PDE1C: variants seen among roughly 807,000 people sequenced by gnomAD.
The protein encoded by PDE1C is phosphodiesterase 1C, also known as dual specificity calcium/calmodulin-dependent 3',5'-cyclic nucleotide phosphodiesterase 1C.
Under a neutral mutation model 93.1 loss-of-function variants are expected in PDE1C, and 62 were observed. That is an observed-to-expected ratio of 0.67 (90% CI 0.54 to 0.82). The LOEUF is 0.82. Among genes scored for constraint, PDE1C ranks in the 40% least tolerant of loss-of-function variants. The pLI is 0.00. For missense variants in PDE1C, 742 were observed against 884.6 expected (o/e 0.84, Z 2.04); for synonymous variants, 325 against 310.1 (o/e 1.05, Z -0.50).
chr7:31,720,169 CAAAAAAAAAAAAAAAAA>C, the PDE1C span, among the ~76,000 whole-genome samples: 7 of 50,128 alleles, frequency 1.4e-4, no homozygotes, highest in Non-Finnish European at 2.2e-4. Flanking sequence ...GACTCCGTCT[CAAAAAAAAAAAAAAAAA>C]AAAAAAAAAA....
chr7:32,052,819 C>A (rs7801338), intron 1 of PDE1C, among the ~76,000 whole-genome samples: 1 of 152,092 alleles, frequency 6.6e-6, no homozygotes, highest in Non-Finnish European at 1.5e-5. Flanking sequence ...GTAGTGATAT[C>A]TATTTACCTG....
intron 2 of PDE1C, among the ~76,000 whole-genome samples, chr7:31,946,911 CT>C (rs1344174757): frequency 6.6e-6 from 1 of 152,204 alleles, no homozygotes; most frequent in African/African-American, 2.4e-5. Flanking sequence ...GCAGAACACA[CT>C]GTATCAGGCA....
chr7:32,081,539 C>A (rs1796661841), intron 3 of PDE1C, among the ~76,000 whole-genome samples: 1 of 152,190 alleles, frequency 6.6e-6, no homozygotes, highest in East Asian at 1.9e-4. Context: ...TACTCCTATT[C>A]TACACAGAAT....
At chr7:32,306,754 G>C (rs1419513355) in intron 1 of PDE1C, among the ~76,000 whole-genome samples, 1 of 152,216 alleles carries the variant, frequency 6.6e-6, no homozygotes, top group East Asian at 1.9e-4. Flanking sequence ...GGGGAAACTG[G>C]GGAACATAGG....
intron 3 of PDE1C, among the ~76,000 whole-genome samples, chr7:32,131,150 T>G (rs1473929466): frequency 6.6e-6 from 1 of 152,160 alleles, no homozygotes; most frequent in Non-Finnish European, 1.5e-5. Context: ...TCAGGAGTTT[T>G]AAATTCAAGC....
intron 17 of PDE1C, among the ~76,000 whole-genome samples, chr7:31,764,066 C>T (rs1173501641): frequency 6.6e-6 from 1 of 151,412 alleles, no homozygotes; most frequent in Non-Finnish European, 1.5e-5. Flanking sequence ...AAACTATGTG[C>T]CATTTTAAGC....
intron 2 of PDE1C, among the ~76,000 whole-genome samples, chr7:31,972,491 C>T (rs1303341028): frequency 6.6e-6 from 1 of 152,096 alleles, no homozygotes; most frequent in African/African-American, 2.4e-5. Context: ...TGAGGTAATT[C>T]TTATTGTCAT....
At chr7:32,035,893 T>A (rs1438104430) in intron 2 of PDE1C, among the ~76,000 whole-genome samples, 1 of 152,178 alleles carries the variant, frequency 6.6e-6, no homozygotes, top group Non-Finnish European at 1.5e-5. Context: ...AGCTTTAACG[T>A]GCCTGGTCAA....
intron 7 of PDE1C, chr7:31,851,018 C>T (rs1211449889): frequency 5.7e-6 from 2 of 351,428 alleles, no homozygotes; most frequent in Non-Finnish European, 1.1e-5. Flanking sequence ...TTGAAAAGCC[C>T]TCATTGCATC....
chr7:31,627,926 G>A, the PDE1C span, among the ~76,000 whole-genome samples: 2,074 of 152,270 alleles, frequency 0.014, 57 homozygotes, highest in African/African-American at 0.047. Flanking sequence ...ATATCCAAAA[G>A]GGTTTAACTG....
At chr7:32,049,594 T>C (rs1330926888) in intron 2 of PDE1C, among the ~76,000 whole-genome samples, 2 of 152,180 alleles carry the variant, frequency 1.3e-5, no homozygotes, top group African/African-American at 4.8e-5. Flanking sequence ...CAGGAATCTC[T>C]ACTGTGAGAT....
chr7:31,707,745 T>A, the PDE1C span: 1 of 158,022 alleles, frequency 6.3e-6, no homozygotes, highest in East Asian at 1.9e-4. Context: ...ACTCACCGAT[T>A]GCTTTGCAGA....
chr7:31,708,873 A>C, the PDE1C span, among the ~76,000 whole-genome samples: 2 of 152,054 alleles, frequency 1.3e-5, no homozygotes, highest in Non-Finnish European at 1.5e-5. Context: ...CACCTTTTTT[A>C]TTCCAGCACT....
intron 16 of PDE1C, among the ~76,000 whole-genome samples, chr7:31,805,108 G>A (rs1292803794): frequency 3.3e-5 from 5 of 151,696 alleles, no homozygotes; most frequent in Non-Finnish European, 5.9e-5. Flanking sequence ...CTGCCACCAC[G>A]TAAGATGTGC....
intron 1 of PDE1C, among the ~76,000 whole-genome samples, chr7:32,226,641 A>T (rs1035127784): frequency 5.3e-5 from 8 of 152,152 alleles, no homozygotes; most frequent in African/African-American, 1.4e-4. Context: ...ATGGGGAGAG[A>T]GTGGTCAGTG....
intron 1 of PDE1C, among the ~76,000 whole-genome samples, chr7:32,390,153 T>C (rs1784722869): frequency 1.3e-5 from 2 of 152,132 alleles, no homozygotes; most frequent in Admixed American, 6.6e-5. Context: ...TAATATCATA[T>C]TGTTGGGATT....
At chr7:32,314,707 C>T (rs11770367) in intron 1 of PDE1C, among the ~76,000 whole-genome samples, 9,865 of 152,128 alleles carry the variant, frequency 0.065, 429 homozygotes, top group Non-Finnish European at 0.093. Context: ...TAACTCTTCT[C>T]AGTGGCATCC....
intron 1 of PDE1C, among the ~76,000 whole-genome samples, chr7:32,055,192 T>A (rs1343525912): frequency 6.6e-6 from 1 of 152,202 alleles, no homozygotes; most frequent in Non-Finnish European, 1.5e-5. Flanking sequence ...AATGCTTTCT[T>A]TTTATTCTTT....
chr7:32,237,131 G>A (rs528812109), intron 1 of PDE1C, among the ~76,000 whole-genome samples: 5 of 148,808 alleles, frequency 3.4e-5, no homozygotes, highest in African/African-American at 1.0e-4. Context: ...CTGTCGCCCA[G>A]GCTGGAGTGC....
Sources: allele counts gnomAD v4.1 joint callset (sites outside exome capture counted in the v4.1 genomes callset), GRCh38; gene constraint gnomAD v4.1.1; transcripts MANE v1.5; gene names NCBI Gene and HGNC (gene_info 2026-07-23, HGNC 2026-07-21).